The following IL16 variants were observed in gnomAD, a reference collection of about 807,000 sequenced individuals.
The protein encoded by IL16 is interleukin 16, also known as pro-interleukin-16.
A neutral mutation model predicts 110.1 loss-of-function variants in IL16; 67 were observed. The ratio of observed to expected loss-of-function variants is 0.61; its 90% CI spans 0.50 to 0.75. The LOEUF is 0.75. IL16 is among the 30% of genes least tolerant of loss of function. The pLI, the probability that IL16 is intolerant of heterozygous loss-of-function variation, is 0.00. For missense variants in IL16, 1,545 were observed against 1,655.0 expected (o/e 0.93, Z 1.15); for synonymous variants, 689 against 662.9 (o/e 1.04, Z -0.61).
chr15:81,262,055 G>A (rs1596005669), intron 3 of IL16, among the ~76,000 whole-genome samples: 1 of 152,104 alleles, frequency 6.6e-6, no homozygotes, highest in African/African-American at 2.4e-5. Flanking sequence ...AACAGAGTGA[G>A]AGCCTGTCCT....
chr15:81,290,367 GGCCCA>G (rs533046192), intron 10 of IL16, 81 bp from the exon 11 acceptor site: 58 of 807,360 alleles, frequency 7.2e-5, no homozygotes, highest in African/African-American at 1.2e-4. Context: ...AGAATCCAGT[GGCCCA>G]GCTTTGGAGC....
rs758112745 is a variant in IL16 at position 81,282,397 on chromosome 15, T to G, written c.1082-242T>G. ...CTCTCTTCTCATCTAGCTCCCTCCT[T>G]CCCTCCTTCCCTTCCTCCCTCCTTC... On this transcript the variant is annotated intron_variant, in intron 8 of 18. Transcript: ENST00000683961. Among the ~76,000 whole-genome samples, 25 of 152,184 alleles carry G rather than the reference T, an allele frequency of 1.6e-4. 1 individual carries two copies. The highest frequency in any genetic ancestry group is 3.4e-4 in the Non-Finnish European group (23 of 68,032).
At chr15:81,230,282 CCT>C (rs1408366032) in intron 2 of IL16, among the ~76,000 whole-genome samples, 2 of 152,150 alleles carry the variant, frequency 1.3e-5, no homozygotes, top group East Asian at 1.9e-4. Context: ...TACTCCAGCC[CCT>C]GTCTGTTTGC....
chr15:81,265,946 A>G (rs1898364439), intron 4 of IL16, 145 bp downstream of exon 4: 1 of 740,038 alleles, frequency 1.4e-6, no homozygotes, highest in Non-Finnish European at 2.1e-6. Flanking sequence ...TAGTAGCTGC[A>G]AGAAGGTACA....
At chr15:81,283,599 T>C (rs1201952516) in intron 9 of IL16, among the ~76,000 whole-genome samples, 2 of 152,196 alleles carry the variant, frequency 1.3e-5, no homozygotes, top group Non-Finnish European at 2.9e-5. Context: ...CAGTCCAACA[T>C]AGAAAACACA....
rs17875520 is a variant in IL16 at position 81,302,522 on chromosome 15, G to A, written c.3318+1010G>A. 4.1e-3 allele frequency among the ~76,000 whole-genome samples: 631 copies of A among 152,296 alleles called. 4 individuals carry two copies. Among genetic ancestry groups the A allele is most frequent in the African/African-American group, 0.015 (605 of 41,560 alleles). On this transcript the variant is annotated intron_variant, in intron 15 of 18. Coordinates refer to ENST00000683961, the MANE Select transcript of IL16 (RefSeq NM_172217.5). The stretch of plus-strand genomic sequence containing the variant: ...AGTGTTGGGGCTTGGAGGTGAGGGT[G>A]CAGTGAGGTACATTCATCCTTCCAT...
intron 1 of IL16, among the ~76,000 whole-genome samples, chr15:81,209,294 G>A (rs1218708731): frequency 6.6e-6 from 1 of 152,132 alleles, no homozygotes; most frequent in Non-Finnish European, 1.5e-5. Context: ...GGGGCGTCCT[G>A]GGGGAGGTGG....
intron 1 of IL16, among the ~76,000 whole-genome samples, chr15:81,213,098 A>G (rs547604025): frequency 3.9e-5 from 6 of 152,246 alleles, no homozygotes; most frequent in African/African-American, 1.4e-4. Context: ...ATTTTCATTA[A>G]TTTAAAAGAA....
chr15:81,279,629 CCTGTCTCCCCCA>C lies in IL16; in HGVS notation c.941_952del (p.Ser314_Leu317del). The stretch of plus-strand genomic sequence containing the variant: ...CGGCGCCTCCTTCCCTGTGCAGCCA[CCTGTCTCCCCCA>C]CTGTGCCGCTCCCTGAGCTCCAGCA... On this transcript the variant is annotated inframe_deletion, in exon 8 of 19. Coordinates refer to ENST00000683961, the MANE Select transcript of IL16 (RefSeq NM_172217.5). 1 of 1,614,222 alleles carries C rather than the reference CCTGTCTCCCCCA, an allele frequency of 6.2e-7. No individual in the cohort carries two copies.
At chr15:81,228,115 G>A (rs16972819) in intron 2 of IL16, among the ~76,000 whole-genome samples, 7,419 of 152,146 alleles carry the variant, frequency 0.049, 639 homozygotes, top group African/African-American at 0.17. Context: ...AAAGACAGGC[G>A]AGGAGAGGTC....
intron 1 of IL16, among the ~76,000 whole-genome samples, chr15:81,211,354 C>T (rs761557030): frequency 1.3e-5 from 2 of 151,930 alleles, no homozygotes; most frequent in African/African-American, 2.4e-5. Flanking sequence ...CAGGTTCAGG[C>T]TATTCTCCTG....
intron 2 of IL16, among the ~76,000 whole-genome samples, chr15:81,258,851 A>G (rs1376283002): frequency 6.6e-6 from 1 of 152,192 alleles, no homozygotes; most frequent in Non-Finnish European, 1.5e-5. Flanking sequence ...GAGTAATAAA[A>G]CCAATATAAC....
At chr15:81,251,245 C>A (rs575606328) in intron 2 of IL16, among the ~76,000 whole-genome samples, 4 of 152,210 alleles carry the variant, frequency 2.6e-5, no homozygotes, top group African/African-American at 9.6e-5. Flanking sequence ...TACCTCACTG[C>A]AATCTCAACC....
rs1009901915 is a variant in IL16 at position 81,313,092 on chromosome 15, G to C, written c.*4294G>C. The C allele has an allele frequency of 3.9e-6, 3 of 763,886 alleles. No homozygotes were observed. Among genetic ancestry groups the C allele is most frequent in the Admixed American group, 4.2e-5 (1 of 23,740 alleles). The allele number at this position is 763,886 out of a possible 1,614,324, so 47.3% of individuals were successfully genotyped here. On this transcript the variant is annotated 3_prime_UTR_variant, in exon 19 of 19. Coordinates refer to ENST00000683961, the MANE Select transcript of IL16 (RefSeq NM_172217.5). ...CCTGAGTGGGGCAGGAGGCAGGAAG[G>C]GTGGGCTGCCGCCTCTGGTTGGCAT...
intron 2 of IL16, among the ~76,000 whole-genome samples, chr15:81,231,342 C>G (rs1896971275): frequency 7.6e-6 from 1 of 131,900 alleles, no homozygotes; most frequent in African/African-American, 2.9e-5. Flanking sequence ...CTCTCTCTCT[C>G]TCTCTCTCTC....
At chr15:81,207,246 C>CAAAAAAAAAAAAAAAAAAAAAA (rs60442931) in intron 1 of IL16, among the ~76,000 whole-genome samples, 1 of 102,760 alleles carries the variant, frequency 9.7e-6, no homozygotes, top group African/African-American at 2.9e-5. Flanking sequence ...TCAAAAAAAA[C>CAAAAAAAAAAAAAAAAAAAAAA]AAAAAAAAAA....
chr15:81,261,886 T>C (rs746267281), intron 3 of IL16, among the ~76,000 whole-genome samples: 11 of 152,040 alleles, frequency 7.2e-5, no homozygotes, highest in South Asian at 2.1e-4. Context: ...CTGGACAATA[T>C]AGTGAAACCA....
At chr15:81,293,487 G>C (rs1899839823) in intron 12 of IL16, among the ~76,000 whole-genome samples, 2 of 152,142 alleles carry the variant, frequency 1.3e-5, no homozygotes, top group African/African-American at 4.8e-5. Context: ...TGGATCATGA[G>C]CTCAGGAGTT....
chr15:81,231,320 GTCTGTCTCTCTCTC>G (rs1183253271), intron 2 of IL16, among the ~76,000 whole-genome samples: 4 of 50,926 alleles, frequency 7.9e-5, no homozygotes, highest in African/African-American at 2.3e-4. Context: ...CCCAAGGTCG[GTCTGTCTCTCTCTC>G]TCTCTCTCTC....
Sources: allele counts gnomAD v4.1 joint callset (sites outside exome capture counted in the v4.1 genomes callset), GRCh38; gene constraint gnomAD v4.1.1; transcripts MANE v1.5; gene names NCBI Gene and HGNC (gene_info 2026-07-23, HGNC 2026-07-21).